B4GALNT1: variants seen among roughly 807,000 people sequenced by gnomAD.
The protein encoded by B4GALNT1 is beta-1,4 N-acetylgalactosaminyltransferase 1.
In B4GALNT1, 43 loss-of-function variants were observed where a neutral mutation model predicts 55.2. The ratio of observed to expected loss-of-function variants is 0.78; its 90% CI spans 0.61 to 1.00. The LOEUF is 1.00. Ranked by LOEUF, B4GALNT1 falls within the 50% of genes least tolerant of loss-of-function variation. The probability of loss-of-function intolerance (pLI) is 0.00; values close to 1 mark genes in which losing one functional copy is unlikely to be tolerated. For synonymous variants in B4GALNT1, 305 were observed against 311.6 expected (o/e 0.98, Z 0.22); for missense variants, 664 against 729.7 (o/e 0.91, Z 1.04).
Position 57,624,870 on chromosome 12 carries a change from TC to T in B4GALNT1, c.*1873del. The T allele has an allele frequency of 6.2e-7, 1 of 1,614,124 alleles. No individual in the cohort carries two copies. ...TCTGATCCTTTGACCTCTTAGCTCC[TC>T]CAGGTCCCGGGGCTCTGCATCCTGA... On this transcript the variant is annotated 3_prime_UTR_variant, in exon 11 of 11. Transcript: ENST00000341156.
rs776507388 is a variant in B4GALNT1 at position 57,625,629 on chromosome 12, A to C, written c.*1115T>G. On this transcript the variant is annotated 3_prime_UTR_variant, in exon 11 of 11. Transcript: ENST00000341156. ...CCGGGTAGGACTCCTGGACAGGGTG[A>C]CTCCAGATCAGCTGTTTGTGAGTGT... is the stretch of plus-strand genomic sequence containing the variant. The C allele has an allele frequency of 6.6e-5, 105 of 1,591,742 alleles. No homozygotes were observed. The highest frequency in any genetic ancestry group is 9.0e-5 in the Non-Finnish European group (105 of 1,168,340).
chr12:57,624,220 A>C lies in B4GALNT1; in HGVS notation c.*2524T>G. 1.1e-6 allele frequency: 1 copy of C among 882,270 alleles called. No homozygotes were observed. The highest frequency in any genetic ancestry group is 1.8e-6 in the Non-Finnish European group (1 of 562,436). The allele number at this position is 882,270 out of a possible 1,614,324, so 54.7% of individuals were successfully genotyped here. ...CTGCAACCCACCCACTCCCCCAGCAAACATAACTCCTAGTATGCTTTACTC... is the reference window on the plus strand; with the variant it reads ...CTGCAACCCACCCACTCCCCCAGCACACATAACTCCTAGTATGCTTTACTC... On this transcript the variant is annotated 3_prime_UTR_variant, in exon 11 of 11. Coordinates refer to ENST00000341156, the MANE Select transcript of B4GALNT1 (RefSeq NM_001478.5).
rs929156838 is a variant in B4GALNT1 at position 57,624,822 on chromosome 12, G to A, written c.*1922C>T. ...GGTGGGCTGCAGCCAAAGAAGGAAGGGAAGATTAGCCCCAGACATTTCTCT... is the reference window on the plus strand; with the variant it reads ...GGTGGGCTGCAGCCAAAGAAGGAAGAGAAGATTAGCCCCAGACATTTCTCT... On this transcript the variant is annotated 3_prime_UTR_variant, in exon 11 of 11. Coordinates refer to ENST00000341156, the MANE Select transcript of B4GALNT1 (RefSeq NM_001478.5). 1 of 1,581,538 alleles carries A rather than the reference G, an allele frequency of 6.3e-7. No homozygotes were observed. Among genetic ancestry groups the A allele is most frequent in the African/African-American group, 1.3e-5 (1 of 74,354 alleles).
chr12:57,623,778 C>A lies in B4GALNT1; in HGVS notation c.*2966G>T. 1 of 1,488,170 alleles carries A rather than the reference C, an allele frequency of 6.7e-7. No homozygotes were observed. The highest frequency in any genetic ancestry group is 1.2e-5 in the South Asian group (1 of 84,990). 92.2% of individuals were successfully genotyped at this position (1,488,170 alleles called of 1,614,324 possible). On this transcript the variant is annotated 3_prime_UTR_variant, in exon 11 of 11. Transcript: ENST00000341156. Reference sequence around the variant, plus strand: ...GGCAGAGTGGGCAGGAAGACCAGCTCTCATGTGGGGGTGGGAGGCTCTCTT... The same window carrying A: ...GGCAGAGTGGGCAGGAAGACCAGCTATCATGTGGGGGTGGGAGGCTCTCTT...
chr12:57,632,777 T>G lies in B4GALNT1; in HGVS notation c.-7A>C, dbSNP rs1885313121. On this transcript the variant is annotated 5_prime_UTR_variant, in exon 1 of 11. Coordinates refer to ENST00000341156, the MANE Select transcript of B4GALNT1 (RefSeq NM_001478.5). ...ACCCACCCCCGGGCACTGACCTGTC[T>G]AACGCTCTAAGGCAGCGGCAAAATT... is the stretch of plus-strand genomic sequence containing the variant. 6.4e-6 allele frequency: 1 copy of G among 156,430 alleles called. No individual in the cohort carries two copies. 9.7% of individuals were successfully genotyped at this position (156,430 alleles called of 1,614,324 possible).
chr12:57,628,014 TTCTC>T (rs1294350892), intron 9 of B4GALNT1, 104 bp downstream of exon 9: 1 of 1,515,066 alleles, frequency 6.6e-7, no homozygotes, highest in East Asian at 2.3e-5. Context: ...CACTTCGTGG[TTCTC>T]TCTTTGTCCT....
chr12:57,625,027 G>A lies in B4GALNT1; in HGVS notation c.*1717C>T. On this transcript the variant is annotated 3_prime_UTR_variant, in exon 11 of 11. Transcript: ENST00000341156. ...GAGGGATGTGGATCCTCAGGGAGTG[G>A]GAGGCAGGTGGGTGTTCTGAGGGGG... 6.2e-7 allele frequency: 1 copy of A among 1,613,086 alleles called. No homozygotes were observed. The highest frequency in any genetic ancestry group is 8.5e-7 in the Non-Finnish European group (1 of 1,179,052).
intron 9 of B4GALNT1, 84 bp from the exon 10 acceptor site, chr12:57,627,942 G>T: frequency 2.7e-6 from 4 of 1,471,024 alleles, no homozygotes. Context: ...GTGCCTTCGG[G>T]GGTACCCCTG....
chr12:57,627,630 C>G lies in B4GALNT1; in HGVS notation c.1372G>C (p.Val458Leu), dbSNP rs1565738001. The change falls in exon 10 of 11, where the codon GTG becomes CTG. Residue 458 changes from valine (V) to leucine (L), a missense_variant. Physicochemically the swap from Val to Leu is conservative, Grantham distance 32. Coordinates refer to ENST00000341156, the MANE Select transcript of B4GALNT1 (RefSeq NM_001478.5). ...EVGFDPRLSR[V>L]AHLEFFLDGL... ...GGGTGCCACTCACCCAGATGAGCCACGCGGCTGAGGCGGGGGTCGAAACCG... is the reference window on the plus strand; with the variant it reads ...GGGTGCCACTCACCCAGATGAGCCAGGCGGCTGAGGCGGGGGTCGAAACCG... 4 of 1,594,990 alleles carry G rather than the reference C, an allele frequency of 2.5e-6. No individual in the cohort carries two copies.
chr12:57,626,604 G>A lies in B4GALNT1; in HGVS notation c.*140C>T. The A allele has an allele frequency of 4.0e-6, 4 of 992,924 alleles. No homozygotes were observed. Among genetic ancestry groups the A allele is most frequent in the East Asian group, 2.4e-5 (1 of 41,418 alleles). The allele number at this position is 992,924 out of a possible 1,614,324, so 61.5% of individuals were successfully genotyped here. ...CAGGACAACCCCTACTGGGCATCAG[G>A]TTCTGAAAAGGAAGAGTGAGGAACT... On this transcript the variant is annotated 3_prime_UTR_variant, in exon 11 of 11. Transcript: ENST00000341156.
rs1465870676 is a variant in B4GALNT1, at chr12:57,629,028, C to T, written c.811+20G>A. On this transcript the variant is annotated intron_variant, in intron 7 of 10. Transcript: ENST00000341156. ...CCACCAAGGCTGGTTCTAATATGTC[C>T]CTGCCCCTACCAGCCTCACCTCCCT... 5 of 1,583,766 alleles carry T rather than the reference C, an allele frequency of 3.2e-6. No individual in the cohort carries two copies. Among genetic ancestry groups the T allele is most frequent in the Non-Finnish European group, 3.4e-6 (4 of 1,160,670 alleles).
chr12:57,633,174 G>C lies in B4GALNT1; in HGVS notation c.-404C>G, dbSNP rs1266535438. 6.6e-6 allele frequency: 1 copy of C among 152,228 alleles called. No individual in the cohort carries two copies. Among genetic ancestry groups the C allele is most frequent in the Non-Finnish European group, 1.5e-5 (1 of 68,034 alleles). 9.4% of individuals were successfully genotyped at this position (152,228 alleles called of 1,614,324 possible). ...CGCGGCTCAGCTCCCGGCTCGTTGC[G>C]GCTGCTTCGGCTCCGCGCGGGGAAT... On this transcript the variant is annotated 5_prime_UTR_variant, in exon 1 of 11. Transcript: ENST00000341156.
Position 57,624,930 on chromosome 12 carries a change from G to T in B4GALNT1, c.*1814C>A, listed in dbSNP as rs752754911. 1 of 1,614,166 alleles carries T rather than the reference G, an allele frequency of 6.2e-7. No individual in the cohort carries two copies. Among genetic ancestry groups the T allele is most frequent in the East Asian group, 2.2e-5 (1 of 44,882 alleles). ...ACACCACTGTACTTTGGGACCCGTG[G>T]GCAGTTTCGCTGCAACCTGGAGTGG... is the stretch of plus-strand genomic sequence containing the variant. On this transcript the variant is annotated 3_prime_UTR_variant, in exon 11 of 11. Transcript: ENST00000341156.
rs201866637 is a variant in B4GALNT1 at position 57,624,652 on chromosome 12, A to C, written c.*2092T>G. On this transcript the variant is annotated 3_prime_UTR_variant, in exon 11 of 11. Coordinates refer to ENST00000341156, the MANE Select transcript of B4GALNT1 (RefSeq NM_001478.5). Reference sequence around the variant, plus strand: ...AGTTGAGGTCGGGGCAGGGGAAGAGAATGAGGTGCTTGGGGTGACTCTCCA... The same window carrying C: ...AGTTGAGGTCGGGGCAGGGGAAGAGCATGAGGTGCTTGGGGTGACTCTCCA... The C allele has an allele frequency of 1.4e-4, 100 of 726,452 alleles. No homozygotes were observed. Among genetic ancestry groups the C allele is most frequent in the Non-Finnish European group, 2.3e-4 (90 of 387,672 alleles). The allele number at this position is 726,452 out of a possible 1,614,324, so 45.0% of individuals were successfully genotyped here. A position where few individuals can be genotyped will look rare whatever the true frequency, so the allele number is the denominator to read the frequency against.
chr12:57,624,632 A>G lies in B4GALNT1; in HGVS notation c.*2112T>C. ...GTGGGCATAGAGATGAGTGGAGTTGAGGTCGGGGCAGGGGAAGAGAATGAG... is the reference window on the plus strand; with the variant it reads ...GTGGGCATAGAGATGAGTGGAGTTGGGGTCGGGGCAGGGGAAGAGAATGAG... On this transcript the variant is annotated 3_prime_UTR_variant, in exon 11 of 11. Transcript: ENST00000341156. The G allele has an allele frequency of 1.4e-6, 1 of 711,188 alleles. No individual in the cohort carries two copies. Among genetic ancestry groups the G allele is most frequent in the Non-Finnish European group, 2.7e-6 (1 of 376,554 alleles). 44.1% of individuals were successfully genotyped at this position (711,188 alleles called of 1,614,324 possible).
At position 57,633,177 on chromosome 12, in the gene B4GALNT1, T is replaced by G. The variant is rs981615386; in HGVS notation, c.-407A>C. ...GGCTCAGCTCCCGGCTCGTTGCGGC[T>G]GCTTCGGCTCCGCGCGGGGAATGCG... On this transcript the variant is annotated 5_prime_UTR_variant, in exon 1 of 11. Transcript: ENST00000341156. The G allele has an allele frequency of 6.6e-6, 1 of 152,236 alleles. No individual in the cohort carries two copies. Among genetic ancestry groups the G allele is most frequent in the African/African-American group, 2.4e-5 (1 of 41,460 alleles). 9.4% of individuals were successfully genotyped at this position (152,236 alleles called of 1,614,324 possible). A position where few individuals can be genotyped will look rare whatever the true frequency, so the allele number is the denominator to read the frequency against.
intron 10 of B4GALNT1, 121 bp from the exon 11 acceptor site, chr12:57,627,082 C>A (rs185164062): frequency 5.1e-6 from 4 of 788,890 alleles, no homozygotes; most frequent in East Asian, 5.4e-5. Context: ...TTCTAAGGAC[C>A]CTGAGCATGT....
At chr12:57,628,927 G>A (rs772813827) in intron 7 of B4GALNT1, 24 bp from the exon 8 acceptor site, 5 of 1,613,862 alleles carry the variant, frequency 3.1e-6, no homozygotes. Flanking sequence ...CACAGGGTTG[G>A]GTGCAGACAA....
In B4GALNT1 at chr12:57,625,521, G is replaced by A. The variant is rs946597413; in HGVS notation, c.*1223C>T. ...GCCTGGGCAATGACTGGACACCTGC[G>A]GTAGGGAAAAGGACCCGGTGTGGAC... On this transcript the variant is annotated 3_prime_UTR_variant, in exon 11 of 11. Coordinates refer to ENST00000341156, the MANE Select transcript of B4GALNT1 (RefSeq NM_001478.5). 1.5e-5 allele frequency: 24 copies of A among 1,613,692 alleles called. No individual in the cohort carries two copies. Among genetic ancestry groups the A allele is most frequent in the Admixed American group, 6.7e-5 (4 of 59,992 alleles).
Sources: allele counts gnomAD v4.1 joint callset, GRCh38; gene constraint gnomAD v4.1.1; transcripts MANE v1.5; gene names NCBI Gene and HGNC (gene_info 2026-07-23, HGNC 2026-07-21).